The following PAK3 variants were observed in gnomAD, a reference collection of about 807,000 sequenced individuals.
PAK3 encodes p21 (RAC1) activated kinase 3, also known as serine/threonine-protein kinase PAK 3.
A neutral mutation model predicts 41.0 loss-of-function variants in PAK3; 4 were observed. The ratio of observed to expected loss-of-function variants is 0.10; its 90% confidence interval spans 0.05 to 0.22. The LOEUF is 0.22. PAK3 is among the 10% of genes least tolerant of loss of function. The pLI, the probability that PAK3 is intolerant of heterozygous loss-of-function variation, is 1.00. For synonymous variants in PAK3, 146 were observed against 139.6 expected, an observed-to-expected ratio of 1.05 and a Z score of -0.32; for missense variants, 205 against 409.9, an observed-to-expected ratio of 0.50 and a Z score of 4.32.
At chrX:111,200,047 A>G (rs942898282) in intron 16 of PAK3, among the ~76,000 whole-genome samples, 11 of 111,279 alleles carry the variant, frequency 9.9e-5, no homozygotes, top group African/African-American at 3.3e-5. Flanking sequence ...CTCAAAGTTC[A>G]AGCACAGTGC....
At chrX:110,983,344 C>A (rs138941825) in intron 1 of PAK3, among the ~76,000 whole-genome samples, 2,369 of 110,559 alleles carry the variant, frequency 0.021, 64 homozygotes, top group African/African-American at 0.073. Context: ...AGAGTGATGG[C>A]GTTCTGGGCT....
At chrX:111,199,563 A>G (rs939448115) in intron 16 of PAK3, among the ~76,000 whole-genome samples, 10 of 111,746 alleles carry the variant, frequency 8.9e-5, no homozygotes, top group Admixed American at 2.9e-4. Flanking sequence ...GCATTTCCAG[A>G]ACAGCTGTAA....
chrX:111,114,775 A>G (rs1470725197), intron 4 of PAK3, among the ~76,000 whole-genome samples: 6 of 112,009 alleles, frequency 5.4e-5, no homozygotes, highest in Non-Finnish European at 3.8e-5. Flanking sequence ...ATACAGAGTT[A>G]TATACATTTA....
At position 111,162,248 on chromosome X, in the gene PAK3, A is replaced by G. The variant is rs969599670; in HGVS notation, c.469-667A>G. ...AGAACTGTCCCTAGGTATTGTTGCT[A>G]TTGTACCACAATACTGTCGTATTAT... is the stretch of plus-strand genomic sequence containing the variant. On this transcript the variant is annotated intron_variant, in intron 8 of 17. Coordinates refer to ENST00000372007, the MANE Select transcript of PAK3 (RefSeq NM_002578.5). 9.8e-5 allele frequency among the ~76,000 whole-genome samples: 11 copies of G among 111,932 alleles called. 1 individual carries two copies. The highest frequency in any genetic ancestry group is 7.5e-4 in the South Asian group (2 of 2,672).
chrX:111,109,094 T>C (rs1215873135), intron 4 of PAK3, among the ~76,000 whole-genome samples: 2 of 111,957 alleles, frequency 1.8e-5, no homozygotes, highest in Non-Finnish European at 3.8e-5. Context: ...GCCTTTTGGC[T>C]AAGATCAAGT....
At chrX:110,957,767 C>A (rs924959552) in intron 1 of PAK3, among the ~76,000 whole-genome samples, 1 of 111,713 alleles carries the variant, frequency 9.0e-6, no homozygotes, top group African/African-American at 3.3e-5. Context: ...CATGTCACTT[C>A]TTTCTTTCAT....
chrX:111,162,563 T>G (rs892869776), intron 8 of PAK3, among the ~76,000 whole-genome samples: 2 of 112,167 alleles, frequency 1.8e-5, no homozygotes, highest in African/African-American at 6.5e-5. Flanking sequence ...CAGTATAGAT[T>G]CAAGGCTCTA....
chrX:111,142,125 G>A lies in PAK3; in HGVS notation c.205G>A (p.Glu69Lys). Residue 69 changes from glutamate (E) to lysine (K), a missense_variant, in exon 6 of 18, where the codon GAG (glutamate) becomes AAG (lysine). By Grantham distance (56) the Glu-to-Lys change is moderately conservative. Coordinates refer to ENST00000372007, the MANE Select transcript of PAK3 (RefSeq NM_002578.5). ...TAAGAAGAAGGAGAAAGAGCGCCCA[G>A]AGATCTCTCTTCCTTCAGACTTTGA... Reference protein sequence around the residue: ...TNKKKEKERPEISLPSDFEHT... With the variant: ...TNKKKEKERPKISLPSDFEHT... 1 of 1,196,047 alleles carries A rather than the reference G, an allele frequency of 8.4e-7. No individual in the cohort carries two copies. The highest frequency in any genetic ancestry group is 1.1e-6 in the Non-Finnish European group (1 of 880,990).
chrX:111,165,912 A>C (rs1302808706), intron 10 of PAK3, among the ~76,000 whole-genome samples: 1 of 111,733 alleles, frequency 8.9e-6, no homozygotes, highest in African/African-American at 3.2e-5. Context: ...CTCTACACTG[A>C]GCAACATGGT....
intron 8 of PAK3, among the ~76,000 whole-genome samples, chrX:111,159,808 A>T (rs998200289): frequency 8.9e-6 from 1 of 112,399 alleles, no homozygotes; most frequent in African/African-American, 3.2e-5. Flanking sequence ...TTCAGTAAAC[A>T]TACAAACTTC....
intron 10 of PAK3, among the ~76,000 whole-genome samples, chrX:111,168,234 G>A (rs779149189): frequency 5.4e-5 from 6 of 111,786 alleles, no homozygotes; most frequent in South Asian, 7.4e-4. Flanking sequence ...TCAAATACAA[G>A]TATTTAGCAT....
chrX:111,196,332 C>A, intron 15 of PAK3, 112 bp from the exon 16 acceptor site: 1 of 599,123 alleles, frequency 1.7e-6, no homozygotes, highest in Non-Finnish European at 2.9e-6. Context: ...ATGAGCTAGG[C>A]AGTTGTGGAA....
chrX:110,952,777 C>CT (rs924329333), intron 1 of PAK3, among the ~76,000 whole-genome samples: 1 of 111,507 alleles, frequency 9.0e-6, no homozygotes, highest in Non-Finnish European at 1.9e-5. Context: ...TAATATTTGT[C>CT]TTTTTTTCTC....
At chrX:111,147,547 A>G (rs1307605402) in intron 6 of PAK3, among the ~76,000 whole-genome samples, 190 bp from the exon 7 acceptor site, 1 of 110,608 alleles carries the variant, frequency 9.0e-6, no homozygotes, top group African/African-American at 3.3e-5. Context: ...AGTTTTACCT[A>G]TGTGTTTTAA....
At chrX:111,217,660 T>C in intron 17 of PAK3, 1 of 919,545 alleles carries the variant, frequency 1.1e-6, no homozygotes, top group Non-Finnish European at 1.4e-6. Context: ...TTCTGCTACC[T>C]GCAAGCATTT....
Position 111,040,359 on chromosome X carries a change from A to T in PAK3, c.-27-82718A>T, listed in dbSNP as rs181671625. 1.1e-3 allele frequency among the ~76,000 whole-genome samples: 120 copies of T among 112,489 alleles called. 1 individual carries two copies. Among genetic ancestry groups the T allele is most frequent in the African/African-American group, 3.6e-3 (111 of 30,968 alleles). On this transcript the variant is annotated intron_variant, in intron 1 of 14. Coordinates refer to the PAK3 transcript ENST00000425146. ...GGCAAAAACTAAGTGCCCAGTAAAT[A>T]TTAACTATTTTAATCATTATCATCA...
chrX:111,098,635 C>T (rs1348879269), intron 3 of PAK3: 1 of 110,929 alleles, frequency 9.0e-6, no homozygotes, highest in Non-Finnish European at 1.9e-5. Flanking sequence ...TGGCTCTTTC[C>T]TCCTGGGTAA....
chrX:111,057,201 A>T (rs1176293056), intron 1 of PAK3, among the ~76,000 whole-genome samples: 1 of 112,013 alleles, frequency 8.9e-6, no homozygotes, highest in Non-Finnish European at 1.9e-5. Flanking sequence ...GCCAACAAAC[A>T]TCAAAAAATG....
At chrX:111,218,694 A>G (rs1179212816) in intron 17 of PAK3, among the ~76,000 whole-genome samples, 2 of 111,424 alleles carry the variant, frequency 1.8e-5, no homozygotes, top group Non-Finnish European at 3.8e-5. Flanking sequence ...CTTGAACACC[A>G]GGCTTAAGAG....
Sources: allele counts gnomAD v4.1 joint callset (sites outside exome capture counted in the v4.1 genomes callset), GRCh38; gene constraint gnomAD v4.1.1; transcripts MANE v1.5; gene names NCBI Gene and HGNC (gene_info 2026-07-23, HGNC 2026-07-21).